The following GALK2 variants were observed in gnomAD, a reference collection of about 807,000 sequenced individuals.
GALK2 encodes N-acetylgalactosamine kinase.
A neutral mutation model predicts 52.4 loss-of-function variants in GALK2; 36 were observed. That is an observed-to-expected ratio of 0.69 (90% confidence interval 0.53 to 0.91). The LOEUF (loss-of-function observed/expected upper bound fraction) is 0.91. Ranked by LOEUF, GALK2 falls within the 40% of genes least tolerant of loss-of-function variation. The pLI is 0.00. For synonymous variants in GALK2, 176 were observed against 199.1 expected, an observed-to-expected ratio of 0.88 and a Z score of 0.98; for missense variants, 579 against 559.1, an observed-to-expected ratio of 1.04 and a Z score of -0.36.
At chr15:49,233,523 AC>A (rs1383088687) in intron 3 of GALK2, among the ~76,000 whole-genome samples, 1 of 151,922 alleles carries the variant, frequency 6.6e-6, no homozygotes, top group Non-Finnish European at 1.5e-5. Flanking sequence ...ATACCTGCCT[AC>A]CCCCTCTGTT....
At chr15:49,296,564 A>G (rs949973279) in intron 8 of GALK2, among the ~76,000 whole-genome samples, 16 of 151,698 alleles carry the variant, frequency 1.1e-4, no homozygotes, top group African/African-American at 3.9e-4. Flanking sequence ...TGCTATTGTG[A>G]ATAGTGCTGC....
chr15:49,259,668 C>T lies in GALK2; in HGVS notation c.504+20301C>T, dbSNP rs1413916046. Among the ~76,000 whole-genome samples, 47 of 146,772 alleles carry T rather than the reference C, an allele frequency of 3.2e-4. 1 individual carries two copies. The highest frequency in any genetic ancestry group is 1.9e-3 in the Admixed American group (28 of 14,522). ...TATGTATACATGTGCCATGCTGGTGCGCTGCACCCACTAACTTGTCATCTA... is the reference window on the plus strand; with the variant it reads ...TATGTATACATGTGCCATGCTGGTGTGCTGCACCCACTAACTTGTCATCTA... On this transcript the variant is annotated intron_variant, in intron 5 of 9. Coordinates refer to ENST00000560031, the MANE Select transcript of GALK2 (RefSeq NM_002044.4).
intron 7 of GALK2, among the ~76,000 whole-genome samples, chr15:49,286,031 A>C (rs555843070): frequency 6.6e-6 from 1 of 152,242 alleles, no homozygotes; most frequent in South Asian, 2.1e-4. Context: ...TTCTTCCTTC[A>C]GCCCTCTTTG....
intron 3 of GALK2, among the ~76,000 whole-genome samples, chr15:49,340,712 T>C (rs1049543120): frequency 6.6e-6 from 1 of 152,214 alleles, no homozygotes; most frequent in Non-Finnish European, 1.5e-5. Flanking sequence ...ATTCTGTAGA[T>C]TGTTTATTGA....
chr15:49,211,107 C>T (rs929607249), intron 2 of GALK2, among the ~76,000 whole-genome samples: 1 of 152,006 alleles, frequency 6.6e-6, no homozygotes, highest in African/African-American at 2.4e-5. Flanking sequence ...CATTTCTTTG[C>T]TTATGCATAA....
intron 5 of GALK2, among the ~76,000 whole-genome samples, chr15:49,243,988 G>A (rs2091224419): frequency 6.6e-6 from 1 of 151,988 alleles, no homozygotes; most frequent in African/African-American, 2.4e-5. Context: ...AGAACTCTCT[G>A]ATATAGTAGG....
At chr15:49,267,174 C>T (rs940275012) in intron 5 of GALK2, among the ~76,000 whole-genome samples, 3 of 152,148 alleles carry the variant, frequency 2.0e-5, no homozygotes, top group Non-Finnish European at 4.4e-5. Context: ...CTGAATACAG[C>T]ATGGCCAAAT....
At chr15:49,366,928 T>TA (rs1055132579) in intron 3 of GALK2, among the ~76,000 whole-genome samples, 59 of 152,310 alleles carry the variant, frequency 3.9e-4, no homozygotes, top group African/African-American at 1.4e-3. Flanking sequence ...GATAGGACTG[T>TA]AAAAAACAGA....
At chr15:49,342,446 T>C (rs1201388529) in intron 3 of GALK2, among the ~76,000 whole-genome samples, 2 of 152,180 alleles carry the variant, frequency 1.3e-5, no homozygotes, top group African/African-American at 2.4e-5. Flanking sequence ...AAGGGTCTCT[T>C]GAAGACAGCA....
intron 1 of GALK2, among the ~76,000 whole-genome samples, chr15:49,184,856 A>C (rs975572720): frequency 6.6e-6 from 1 of 152,126 alleles, no homozygotes; most frequent in African/African-American, 2.4e-5. Context: ...AGATGGGTTC[A>C]TGTTTTAGTC....
At chr15:49,169,977 G>A (rs1169649727), upstream of GALK2, 1 of 260,032 alleles carries the variant, frequency 3.8e-6, no homozygotes, top group South Asian at 6.6e-5. Flanking sequence ...TTATGACACT[G>A]TTCTCTGACA....
intron 3 of GALK2, among the ~76,000 whole-genome samples, chr15:49,226,949 A>T (rs530928583): frequency 4.6e-5 from 7 of 152,286 alleles, no homozygotes; most frequent in Admixed American, 4.6e-4. Flanking sequence ...AAGGTATTTG[A>T]TACACACTGT....
intron 1 of GALK2, chr15:49,156,205 TACTC>T (rs1185890535): frequency 2.0e-5 from 12 of 611,670 alleles, no homozygotes; most frequent in South Asian, 3.8e-5. Context: ...CCTTAAATCT[TACTC>T]AGTTGTTCAA....
upstream of GALK2, among the ~76,000 whole-genome samples, chr15:49,165,747 G>A (rs1471026141): frequency 6.6e-6 from 1 of 150,978 alleles, no homozygotes; most frequent in Non-Finnish European, 1.5e-5. Context: ...TGGCATGTTT[G>A]ACTTGCATTG....
intron 1 of GALK2, among the ~76,000 whole-genome samples, chr15:49,195,839 C>A (rs2087180443): frequency 6.6e-6 from 1 of 150,558 alleles, no homozygotes; most frequent in Non-Finnish European, 1.5e-5. Flanking sequence ...TATCCCTTTG[C>A]TTAATGTTAG....
chr15:49,250,574 G>C (rs983169800), intron 5 of GALK2, among the ~76,000 whole-genome samples: 1 of 152,082 alleles, frequency 6.6e-6, no homozygotes, highest in Non-Finnish European at 1.5e-5. Flanking sequence ...GAGTTGTCTG[G>C]ATTCCAGCTC....
At chr15:49,273,547 A>T (rs1019677023) in intron 5 of GALK2, among the ~76,000 whole-genome samples, 5 of 151,992 alleles carry the variant, frequency 3.3e-5, no homozygotes, top group African/African-American at 1.2e-4. Flanking sequence ...TGAAAAAAAA[A>T]TATTAGAACA....
intron 8 of GALK2, among the ~76,000 whole-genome samples, chr15:49,313,187 C>CA (rs1201811689): frequency 6.6e-6 from 1 of 152,218 alleles, no homozygotes; most frequent in Non-Finnish European, 1.5e-5. Flanking sequence ...CCAGCACTGT[C>CA]AGACCTTCCA....
chr15:49,227,279 A>G (rs1414547956), intron 3 of GALK2, among the ~76,000 whole-genome samples: 1 of 152,162 alleles, frequency 6.6e-6, no homozygotes, highest in East Asian at 1.9e-4. Context: ...TAGTCATAAT[A>G]ATATTTGCTT....
Sources: allele counts gnomAD v4.1 joint callset (sites outside exome capture counted in the v4.1 genomes callset), GRCh38; gene constraint gnomAD v4.1.1; transcripts MANE v1.5; gene names NCBI Gene and HGNC (gene_info 2026-07-23, HGNC 2026-07-21).